Variants in PCM1 observed in about 807,000 individuals in gnomAD.
The protein encoded by PCM1 is pericentriolar material 1 protein.
A neutral mutation model predicts 241.9 loss-of-function variants in PCM1; 157 were observed. The ratio of observed to expected loss-of-function variants is 0.65; its 90% CI spans 0.57 to 0.74. PCM1 has a LOEUF of 0.74. Among genes scored for constraint, PCM1 ranks in the 30% least tolerant of loss-of-function variants. The probability of loss-of-function intolerance (pLI) is 0.00; values close to 1 mark genes in which losing one functional copy is unlikely to be tolerated. For synonymous variants in PCM1, 1,085 were observed against 784.9 expected (o/e 1.38, Z -6.39); for missense variants, 3,478 against 2,360.1 (o/e 1.47, Z -9.81).
chr8:18,010,046 C>A (rs2092245039), intron 31 of PCM1, among the ~76,000 whole-genome samples: 1 of 152,182 alleles, frequency 6.6e-6, no homozygotes, highest in Admixed American at 6.5e-5. Context: ...GGATCTGATC[C>A]TGGGCCAGTG....
At chr8:17,949,364 T>C (rs971042753) in intron 7 of PCM1, among the ~76,000 whole-genome samples, 1 of 152,198 alleles carries the variant, frequency 6.6e-6, no homozygotes, top group Non-Finnish European at 1.5e-5. Flanking sequence ...CTGTAATTTC[T>C]TTCTTCTCAG....
chr8:17,990,277 C>T (rs1440341941), intron 27 of PCM1, among the ~76,000 whole-genome samples: 1 of 151,964 alleles, frequency 6.6e-6, no homozygotes, highest in Non-Finnish European at 1.5e-5. Context: ...ATGTTAATTT[C>T]CTTTTCCTTA....
At position 18,002,053 on chromosome 8, in the gene PCM1, ATTTTTTTTTTCTTT is replaced by A. The variant is rs1378419394; in HGVS notation, c.4828-4190_4828-4177del. Among the ~76,000 whole-genome samples the A allele has an allele frequency of 2.0e-4, 2 of 10,004 alleles. 1 individual carries two copies. Among genetic ancestry groups the A allele is most frequent in the Non-Finnish European group, 3.7e-4 (2 of 5,426 alleles). The allele number at this position is 10,004 out of a possible 152,430, so 6.6% of individuals were successfully genotyped here. A position where few individuals can be genotyped will look rare whatever the true frequency, so the allele number is the denominator to read the frequency against. ...TTTTTTTTGTGGAGAGATCTGTTAAATTTTTTTTTTCTTTTTTTTTTTTTCTTTTTTTTATTATA... is the reference window on the plus strand; with the variant it reads ...TTTTTTTTGTGGAGAGATCTGTTAAATTTTTTTTTTCTTTTTTTTATTATA... On this transcript the variant is annotated intron_variant, in intron 29 of 38. Transcript: ENST00000325083.
chr8:18,004,032 A>C (rs1219484221), intron 29 of PCM1, among the ~76,000 whole-genome samples: 1 of 150,738 alleles, frequency 6.6e-6, no homozygotes, highest in Non-Finnish European at 1.5e-5. Context: ...TGATATGTAC[A>C]GTTACTTTAT....
intron 22 of PCM1, among the ~76,000 whole-genome samples, chr8:17,970,517 G>T (rs1168423545): frequency 6.6e-6 from 1 of 150,578 alleles, no homozygotes; most frequent in Non-Finnish European, 1.5e-5. Flanking sequence ...ATTAACATCC[G>T]TTACTTTGTT....
chr8:17,926,587 G>C (rs1345055002), intron 2 of PCM1: 1 of 152,200 alleles, frequency 6.6e-6, no homozygotes, highest in Non-Finnish European at 1.5e-5. Context: ...GACAGCTTGA[G>C]AATAGTAGCA....
intron 29 of PCM1, among the ~76,000 whole-genome samples, chr8:17,996,029 T>C (rs1271475652): frequency 6.6e-6 from 1 of 152,160 alleles, no homozygotes; most frequent in Non-Finnish European, 1.5e-5. Flanking sequence ...CCTCTATTTC[T>C]TTCTCTTGTC....
intron 29 of PCM1, among the ~76,000 whole-genome samples, chr8:18,001,070 G>T (rs758489528): frequency 6.6e-6 from 1 of 152,206 alleles, no homozygotes; most frequent in African/African-American, 2.4e-5. Context: ...TTTGATTTGA[G>T]AATAGAAAGG....
intron 6 of PCM1, among the ~76,000 whole-genome samples, chr8:17,942,111 C>T (rs1021805429): frequency 1.3e-5 from 2 of 151,788 alleles, no homozygotes; most frequent in Non-Finnish European, 2.9e-5. Context: ...TTATAAATTG[C>T]GAGTATAATT....
intron 6 of PCM1, among the ~76,000 whole-genome samples, chr8:17,945,702 ACCC>A (rs2063534552): frequency 2.6e-5 from 4 of 152,154 alleles, no homozygotes; most frequent in African/African-American, 9.7e-5. Context: ...AAAGGATGTC[ACCC>A]AGAAGGGAGT....
In PCM1 at chr8:17,993,531, T is replaced by C; in HGVS notation, c.4739T>C (p.Val1580Ala). ...NRSSQQPVSE[V>A]STIPCPRIDT... ...AGTTCACAACAACCTGTAAGTGAAGTTTCTACCATCCCATGTCCTAGAATT... is the reference window on the plus strand; with the variant it reads ...AGTTCACAACAACCTGTAAGTGAAGCTTCTACCATCCCATGTCCTAGAATT... The change falls in exon 29 of 39, where the codon GTT (valine) becomes GCT (alanine). Residue 1580 changes from valine to alanine, a missense_variant. Coordinates refer to ENST00000325083, the MANE Select transcript of PCM1 (RefSeq NM_006197.4). The C allele has an allele frequency of 6.3e-7, 1 of 1,590,974 alleles. No homozygotes were observed. Among genetic ancestry groups the C allele is most frequent in the South Asian group, 1.2e-5 (1 of 86,460 alleles).
chr8:17,982,256 ACT>A (rs780299900), intron 24 of PCM1, among the ~76,000 whole-genome samples: 6 of 152,022 alleles, frequency 3.9e-5, no homozygotes, highest in South Asian at 4.1e-4. Context: ...ATCTCCTTTT[ACT>A]CTCTACCAAA....
At chr8:17,983,726 A>G (rs2081715321) in intron 24 of PCM1, among the ~76,000 whole-genome samples, 1 of 152,200 alleles carries the variant, frequency 6.6e-6, no homozygotes, top group African/African-American at 2.4e-5. Context: ...AGATCATGGA[A>G]ATTACAAAGA....
Position 17,955,584 on chromosome 8 carries a change from C to A in PCM1, c.1403C>A (p.Pro468His). ...AGCCTCACATCATCTGTTCCTTATC[C>A]TACTGCTTCTCTAGTATCTCAGAAT... Reference protein sequence around the residue: ...SNSLTSSVPYPTASLVSQNES... With the variant: ...SNSLTSSVPYHTASLVSQNES... The change falls in exon 10 of 39, where the codon CCT becomes CAT. Residue 468 changes from proline to histidine, a missense_variant. By Grantham distance (77) the Pro-to-His change is moderately conservative. Coordinates refer to ENST00000325083, the MANE Select transcript of PCM1 (RefSeq NM_006197.4). The A allele has an allele frequency of 6.2e-7, 1 of 1,613,658 alleles. No individual in the cohort carries two copies. Among genetic ancestry groups the A allele is most frequent in the Non-Finnish European group, 8.5e-7 (1 of 1,179,610 alleles).
In PCM1 at chr8:17,961,380, G is replaced by T. The variant is rs546018883; in HGVS notation, c.2323-654G>T. 2.1e-4 allele frequency among the ~76,000 whole-genome samples: 27 copies of T among 128,046 alleles called. 1 individual carries two copies. The highest frequency in any genetic ancestry group is 2.0e-3 in the Admixed American group (20 of 10,034). 84.0% of individuals were successfully genotyped at this position (128,046 alleles called of 152,430 possible). A position where few individuals can be genotyped will look rare whatever the true frequency, so the allele number is the denominator to read the frequency against. On this transcript the variant is annotated intron_variant, in intron 15 of 38. Transcript: ENST00000325083. ...GGTGGGAGTGCAGTGGTGCAATCTC[G>T]GCTCACTGCAAGCTCCACCTCCTGG...
At chr8:17,965,864 T>C in intron 18 of PCM1, 135 bp from the exon 19 acceptor site, 2 of 599,538 alleles carry the variant, frequency 3.3e-6, no homozygotes, top group Non-Finnish European at 5.8e-6. Flanking sequence ...CCCCTCTATA[T>C]TTTTTAATAC....
In PCM1 at chr8:17,991,681, T is replaced by C. The variant is rs759066500; in HGVS notation, c.4671T>C (p.Thr1557=). 6.4e-7 allele frequency: 1 copy of C among 1,551,962 alleles called. No homozygotes were observed. Among genetic ancestry groups the C allele is most frequent in the African/African-American group, 1.4e-5 (1 of 73,040 alleles). ...ATGGAGATGGTGCTGGTGCAGGTACTACAGTTAATAATTTAGAAGGTATAT... is the reference window on the plus strand; with the variant it reads ...ATGGAGATGGTGCTGGTGCAGGTACCACAGTTAATAATTTAGAAGGTATAT... ...IEDGDGAGAG[T]TVNNLEETPV... is the part of the protein sequence containing the mutation. Residue 1557 remains threonine (T), a synonymous_variant, in exon 28 of 39, where the codon ACT becomes ACC. Transcript: ENST00000325083.
intron 2 of PCM1, among the ~76,000 whole-genome samples, chr8:17,934,027 ATACT>A (rs2059755719): frequency 6.6e-6 from 1 of 152,126 alleles, no homozygotes; most frequent in Non-Finnish European, 1.5e-5. Flanking sequence ...TTTAAAATTA[ATACT>A]TCGTTGAATT....
intron 29 of PCM1, among the ~76,000 whole-genome samples, chr8:17,994,981 C>T (rs1405094085): frequency 6.6e-6 from 1 of 151,384 alleles, no homozygotes; most frequent in Non-Finnish European, 1.5e-5. Context: ...TGGGTTGTCT[C>T]TTCACTTTGT....
Sources: allele counts gnomAD v4.1 joint callset (sites outside exome capture counted in the v4.1 genomes callset), GRCh38; gene constraint gnomAD v4.1.1; transcripts MANE v1.5; gene names NCBI Gene and HGNC (gene_info 2026-07-23, HGNC 2026-07-21).